Variants in NEMP2 observed in about 807,000 individuals in gnomAD.
NEMP2 encodes the protein nuclear envelope integral membrane protein 2, also known as UPF0571 transmembrane protein.
In NEMP2, 53 loss-of-function variants were observed where a neutral mutation model predicts 54.2. That is an observed-to-expected ratio of 0.98 (90% CI 0.78 to 1.23). The LOEUF is 1.23. Among genes scored for constraint, NEMP2 ranks in the 50% most tolerant of loss-of-function variants. The pLI, the probability that NEMP2 is intolerant of heterozygous loss-of-function variation, is 0.00. For missense variants in NEMP2, 455 were observed against 511.3 expected (o/e 0.89, Z 1.06); for synonymous variants, 197 against 190.3 (o/e 1.04, Z -0.29).
the NEMP2 span, among the ~76,000 whole-genome samples, chr2:190,584,246 C>A: frequency 1.3e-5 from 2 of 152,002 alleles, no homozygotes; most frequent in Non-Finnish European, 1.5e-5. The surrounding 1 kb of genome is among the most constrained non-coding windows in gnomAD (Gnocchi z 4.2). Flanking sequence ...TTTTTTTCTG[C>A]AATCACATTC....
the NEMP2 span, among the ~76,000 whole-genome samples, chr2:190,468,560 C>A: frequency 6.6e-6 from 1 of 151,548 alleles, no homozygotes. Context: ...TCAAGCAGTC[C>A]TCCTACCTCA....
At position 190,530,065 on chromosome 2, in the gene NEMP2, G is replaced by T. The variant is rs1030968369; in HGVS notation, c.97+4494C>A. On this transcript the variant is annotated intron_variant, in intron 1 of 8. Coordinates refer to ENST00000409150, the MANE Select transcript of NEMP2 (RefSeq NM_001142645.2). This position sits in a 1 kb window ranked among gnomAD's most constrained non-coding sequence, Gnocchi z 4.6. ...AGGTGGCATTAAGCTTCTTTTGTTTGACTCATATATGATACATCAGTGTAT... is the reference window on the plus strand; with the variant it reads ...AGGTGGCATTAAGCTTCTTTTGTTTTACTCATATATGATACATCAGTGTAT... Among the ~76,000 whole-genome samples, 2 of 152,194 alleles carry T rather than the reference G, an allele frequency of 1.3e-5. No homozygotes were observed. The highest frequency in any genetic ancestry group is 2.9e-5 in the Non-Finnish European group (2 of 68,036).
At chr2:190,577,349 A>G in the NEMP2 span, among the ~76,000 whole-genome samples, 6 of 152,316 alleles carry the variant, frequency 3.9e-5, 1 homozygote, top group South Asian at 8.3e-4. This position sits in a 1 kb window ranked among gnomAD's most constrained non-coding sequence, Gnocchi z 4.8. Context: ...TCAGTGAACA[A>G]AAACAGTATC....
the NEMP2 span, among the ~76,000 whole-genome samples, chr2:190,559,133 A>G: frequency 6.6e-6 from 1 of 152,206 alleles, no homozygotes; most frequent in Non-Finnish European, 1.5e-5. This position sits in a 1 kb window ranked among gnomAD's most constrained non-coding sequence, Gnocchi z 4.0. Flanking sequence ...AGACAGTGGC[A>G]GTGGGATGGA....
chr2:190,441,535 G>A, the NEMP2 span, among the ~76,000 whole-genome samples: 1 of 152,058 alleles, frequency 6.6e-6, no homozygotes, highest in Non-Finnish European at 1.5e-5. Context: ...AGCTCATGCA[G>A]CATGTTTGTG....
At chr2:190,555,848 C>CA in the NEMP2 span, among the ~76,000 whole-genome samples, 1 of 152,070 alleles carries the variant, frequency 6.6e-6, no homozygotes, top group Non-Finnish European at 1.5e-5. The surrounding 1 kb of genome is among the most constrained non-coding windows in gnomAD (Gnocchi z 4.8). Context: ...GCCCACCAAC[C>CA]AAAAAAAGTC....
At chr2:190,426,061 A>T in the NEMP2 span, among the ~76,000 whole-genome samples, 3 of 152,010 alleles carry the variant, frequency 2.0e-5, no homozygotes, top group Non-Finnish European at 4.4e-5. The surrounding 1 kb of genome is among the most constrained non-coding windows in gnomAD (Gnocchi z 4.7). Context: ...TCCTGTTGGG[A>T]TTGCTCAGCT....
the NEMP2 span, chr2:190,469,974 T>C: frequency 1.5e-6 from 1 of 667,320 alleles, no homozygotes; most frequent in Non-Finnish European, 2.5e-6. The surrounding 1 kb of genome is among the most constrained non-coding windows in gnomAD (Gnocchi z 5.3). Flanking sequence ...TTTCATGTGA[T>C]TTTGAAGTGG....
the NEMP2 span, among the ~76,000 whole-genome samples, chr2:190,645,450 CTT>C: frequency 2.6e-5 from 4 of 152,144 alleles, no homozygotes; most frequent in African/African-American, 9.7e-5. Context: ...TATTCTAACT[CTT>C]AATATTTTAT....
the NEMP2 span, among the ~76,000 whole-genome samples, chr2:190,600,414 T>C: frequency 6.6e-6 from 1 of 152,148 alleles, no homozygotes. The surrounding 1 kb of genome is among the most constrained non-coding windows in gnomAD (Gnocchi z 4.9). Context: ...TGAATGTCAT[T>C]TGTCTTCGCC....
upstream of NEMP2, among the ~76,000 whole-genome samples, chr2:190,536,270 C>G (rs1691375189): frequency 6.6e-6 from 1 of 152,050 alleles, no homozygotes; most frequent in Non-Finnish European, 1.5e-5. Context: ...AAACCTTATC[C>G]ACTGGGGGAA....
chr2:190,465,559 A>C, the NEMP2 span, among the ~76,000 whole-genome samples: 1 of 152,206 alleles, frequency 6.6e-6, no homozygotes, highest in East Asian at 1.9e-4. The surrounding 1 kb of genome is among the most constrained non-coding windows in gnomAD (Gnocchi z 4.6). Flanking sequence ...CAGCATAAAA[A>C]AGAATTTGAT....
chr2:190,424,097 C>T, the NEMP2 span, among the ~76,000 whole-genome samples: 1 of 152,118 alleles, frequency 6.6e-6, no homozygotes, highest in African/African-American at 2.4e-5. The surrounding 1 kb of genome is among the most constrained non-coding windows in gnomAD (Gnocchi z 5.9). Flanking sequence ...TGTTTTCATC[C>T]TCTTTGCAGA....
chr2:190,440,055 T>C, the NEMP2 span, among the ~76,000 whole-genome samples: 1 of 152,192 alleles, frequency 6.6e-6, no homozygotes, highest in African/African-American at 2.4e-5. Context: ...ATCACAGAAG[T>C]AGATCTGCCC....
chr2:190,636,278 GA>G, the NEMP2 span, among the ~76,000 whole-genome samples: 9 of 151,854 alleles, frequency 5.9e-5, no homozygotes, highest in African/African-American at 1.2e-4. Flanking sequence ...TAATTATGAG[GA>G]AAAAAAATCT....
the NEMP2 span, among the ~76,000 whole-genome samples, chr2:190,554,715 C>T: frequency 6.6e-6 from 1 of 152,188 alleles, no homozygotes; most frequent in Non-Finnish European, 1.5e-5. The surrounding 1 kb of genome is among the most constrained non-coding windows in gnomAD (Gnocchi z 5.7). Context: ...GGGGAAGGGG[C>T]GGTTGTGGAG....
chr2:190,610,758 T>C, the NEMP2 span: 1 of 152,252 alleles, frequency 6.6e-6, no homozygotes, highest in African/African-American at 2.4e-5. This position sits in a 1 kb window ranked among gnomAD's most constrained non-coding sequence, Gnocchi z 5.4. Flanking sequence ...CATAGGAGTA[T>C]ACTTTACTTA....
chr2:190,530,315 C>T lies in NEMP2; in HGVS notation c.97+4244G>A, dbSNP rs571882091. Among the ~76,000 whole-genome samples the T allele has an allele frequency of 1.1e-4, 17 of 152,146 alleles. No homozygotes were observed. The highest frequency in any genetic ancestry group is 2.4e-4 in the Non-Finnish European group (16 of 68,024). On this transcript the variant is annotated intron_variant, in intron 1 of 8. Transcript: ENST00000409150. This position sits in a 1 kb window ranked among gnomAD's most constrained non-coding sequence, Gnocchi z 4.6. Reference sequence around the variant, plus strand: ...TGGAATTTACACAATCCATGAGATTCCACAAAGTGTCAGTGCTTCATGGTG... The same window carrying T: ...TGGAATTTACACAATCCATGAGATTTCACAAAGTGTCAGTGCTTCATGGTG...
At chr2:190,465,186 G>A in the NEMP2 span, among the ~76,000 whole-genome samples, 4 of 152,118 alleles carry the variant, frequency 2.6e-5, no homozygotes, top group African/African-American at 4.8e-5. The surrounding 1 kb of genome is among the most constrained non-coding windows in gnomAD (Gnocchi z 4.6). Context: ...GATAAAAAAC[G>A]AGTGGCAGGT....
Sources: gnomAD v4.1 joint callset for allele counts (sites outside exome capture counted in the v4.1 genomes callset) on GRCh38, gnomAD v4.1.1 for gene constraint, Gnocchi (gnomAD v3.1) non-coding constraint, MANE v1.5 for transcripts, NCBI Gene and HGNC (gene_info 2026-07-23, HGNC 2026-07-21) for gene names.